The following RGS7 variants were observed in gnomAD, a reference collection of about 807,000 sequenced individuals.
The protein encoded by RGS7 is regulator of G protein signaling 7.
In RGS7, 27 loss-of-function variants were observed where a neutral mutation model predicts 81.1. The ratio of observed to expected loss-of-function variants is 0.33; its 90% confidence interval spans 0.25 to 0.46. RGS7 has a LOEUF of 0.46. Ranked by LOEUF, RGS7 falls within the 20% of genes least tolerant of loss-of-function variation. The probability of loss-of-function intolerance (pLI) is 1.00; values close to 1 mark genes in which losing one functional copy is unlikely to be tolerated. For missense variants in RGS7, 396 were observed against 607.4 expected (o/e 0.65, Z 3.66); for synonymous variants, 208 against 207.7 (o/e 1.00, Z -0.01).
chr1:240,900,962 G>C (rs941970829), intron 6 of RGS7, among the ~76,000 whole-genome samples: 46 of 149,076 alleles, frequency 3.1e-4, no homozygotes, highest in Admixed American at 1.3e-4. Flanking sequence ...CTTCCTGGCC[G>C]ATTTGTTTAC....
chr1:241,047,326 A>G (rs980062833), intron 3 of RGS7, among the ~76,000 whole-genome samples: 1 of 152,160 alleles, frequency 6.6e-6, no homozygotes, highest in Non-Finnish European at 1.5e-5. Flanking sequence ...AGCTGTGCAC[A>G]AATCTAAAAT....
rs955424905 is a variant in RGS7, at chr1:240,833,249, G to A, written c.610-6077C>T. Among the ~76,000 whole-genome samples the A allele has an allele frequency of 4.6e-5, 7 of 152,160 alleles. 1 individual carries two copies. Among genetic ancestry groups the A allele is most frequent in the African/African-American group, 1.7e-4 (7 of 41,418 alleles). ...AACAGGTGGGTACCACAGACAGCGTGGATCTGCTGGACAAAGGGGTGACTC... is the reference window on the plus strand; with the variant it reads ...AACAGGTGGGTACCACAGACAGCGTAGATCTGCTGGACAAAGGGGTGACTC... On this transcript the variant is annotated intron_variant, in intron 9 of 18. Coordinates refer to ENST00000440928, the MANE Select transcript of RGS7 (RefSeq NM_001364886.1).
At chr1:241,029,454 A>G (rs2148722111) in intron 3 of RGS7, among the ~76,000 whole-genome samples, 1 of 152,354 alleles carries the variant, frequency 6.6e-6, no homozygotes, top group East Asian at 1.9e-4. Flanking sequence ...CAAGTCAAAC[A>G]TTTTGGAAAT....
chr1:241,000,090 G>A (rs566631384), intron 3 of RGS7, among the ~76,000 whole-genome samples: 1 of 152,158 alleles, frequency 6.6e-6, no homozygotes. Flanking sequence ...GATGGCAGAA[G>A]TCTCGATGCT....
At chr1:241,252,195 C>G (rs891976322) in intron 2 of RGS7, among the ~76,000 whole-genome samples, 2 of 151,996 alleles carry the variant, frequency 1.3e-5, no homozygotes, top group South Asian at 2.1e-4. Flanking sequence ...AGGCGCCCAC[C>G]ACCACTCCTG....
At position 241,196,889 on chromosome 1, in the gene RGS7, C is replaced by G. The variant is rs2073113625; in HGVS notation, c.79-98127G>C. Among the ~76,000 whole-genome samples, 4 of 150,194 alleles carry G rather than the reference C, an allele frequency of 2.7e-5. No homozygotes were observed. The South Asian group carries it at 8.4e-4, about 31-fold the overall frequency. ...TCAGGGATGTATTATATTTCATAAG[C>G]TAGGGTAAGCACTAATACAATGGTA... On this transcript the variant is annotated intron_variant, in intron 2 of 18. Transcript: ENST00000440928.
chr1:240,816,393 T>C lies in RGS7; in HGVS notation c.707A>G (p.Asp236Gly). The C allele has an allele frequency of 5.0e-6, 8 of 1,606,092 alleles. No individual in the cohort carries two copies. The highest frequency in any genetic ancestry group is 1.7e-4 in the Middle Eastern group (1 of 6,040). ...TRKSVYGLQN[D>G]IRSHSPTHTP... Reference sequence around the variant, plus strand: ...GTGGGTAGGACTGTGACTTCTAATATCATTTTGTAAACCATAGACAGACTA... The same window carrying C: ...GTGGGTAGGACTGTGACTTCTAATACCATTTTGTAAACCATAGACAGACTA... The change falls in exon 11 of 19, where the codon GAT becomes GGT. Residue 236 changes from aspartate to glycine, a missense_variant. Coordinates refer to ENST00000440928, the MANE Select transcript of RGS7 (RefSeq NM_001364886.1).
intron 2 of RGS7, among the ~76,000 whole-genome samples, chr1:241,204,284 A>C (rs1161427270): frequency 6.6e-6 from 1 of 152,230 alleles, no homozygotes; most frequent in Non-Finnish European, 1.5e-5. Context: ...AGAGGAATAA[A>C]AAGTTGTAGA....
At chr1:240,978,707 G>A (rs552692642) in intron 4 of RGS7, among the ~76,000 whole-genome samples, 16 of 152,186 alleles carry the variant, frequency 1.1e-4, no homozygotes, top group South Asian at 2.1e-4. Flanking sequence ...AAATGAGAAC[G>A]AATAAGCAGG....
At chr1:240,799,608 G>T (rs942916116) in intron 18 of RGS7, among the ~76,000 whole-genome samples, 3 of 151,996 alleles carry the variant, frequency 2.0e-5, no homozygotes, top group Non-Finnish European at 4.4e-5. Context: ...CACATTGCAA[G>T]AAGAATTATC....
intron 2 of RGS7, among the ~76,000 whole-genome samples, chr1:241,157,767 A>G (rs377422081): frequency 1.8e-4 from 28 of 152,206 alleles, no homozygotes; most frequent in East Asian, 5.8e-4. Flanking sequence ...TGAAAATTAT[A>G]TAAAATCTAA....
At chr1:241,076,507 CAT>C (rs2062809437) in intron 3 of RGS7, among the ~76,000 whole-genome samples, 1 of 152,148 alleles carries the variant, frequency 6.6e-6, no homozygotes, top group African/African-American at 2.4e-5. Context: ...ACAACATTCT[CAT>C]ATAGTGTTCA....
At chr1:241,158,266 A>G (rs1385985178) in intron 2 of RGS7, among the ~76,000 whole-genome samples, 1 of 152,126 alleles carries the variant, frequency 6.6e-6, no homozygotes, top group Non-Finnish European at 1.5e-5. Flanking sequence ...TTGCAGAAAA[A>G]CTTTGCCAAC....
At chr1:241,192,435 C>A (rs1169025434) in intron 2 of RGS7, among the ~76,000 whole-genome samples, 1 of 152,100 alleles carries the variant, frequency 6.6e-6, no homozygotes, top group African/African-American at 2.4e-5. Flanking sequence ...TTCTTTTCTC[C>A]ACTTTTCAGA....
chr1:240,875,226 C>CT (rs1165458393), intron 6 of RGS7, among the ~76,000 whole-genome samples: 1 of 152,144 alleles, frequency 6.6e-6, no homozygotes, highest in Non-Finnish European at 1.5e-5. Context: ...CACCATTCTA[C>CT]TTTTTGCTTC....
chr1:241,082,779 C>T (rs2063208861), intron 3 of RGS7, among the ~76,000 whole-genome samples: 1 of 152,130 alleles, frequency 6.6e-6, no homozygotes, highest in Non-Finnish European at 1.5e-5. Flanking sequence ...CCCAATTACC[C>T]TGACTTGATC....
At chr1:241,128,192 A>G (rs945242875) in intron 2 of RGS7, among the ~76,000 whole-genome samples, 3 of 151,534 alleles carry the variant, frequency 2.0e-5, no homozygotes, top group Admixed American at 6.6e-5. Context: ...CAGGAGAATG[A>G]CGTGAACCGG....
At chr1:241,346,315 G>A (rs990521863) in intron 2 of RGS7, among the ~76,000 whole-genome samples, 9 of 151,954 alleles carry the variant, frequency 5.9e-5, no homozygotes, top group Admixed American at 1.3e-4. Flanking sequence ...AATAAGCTCC[G>A]CGATGGTTCA....
At chr1:240,982,422 C>CAA (rs10567618) in intron 4 of RGS7, among the ~76,000 whole-genome samples, 11 of 66,230 alleles carry the variant, frequency 1.7e-4, no homozygotes, top group African/African-American at 5.6e-4. Context: ...AACTCTGCCT[C>CAA]AAAAAAAAAA....
Sources: allele counts gnomAD v4.1 joint callset (sites outside exome capture counted in the v4.1 genomes callset), GRCh38; gene constraint gnomAD v4.1.1; transcripts MANE v1.5; gene names NCBI Gene and HGNC (gene_info 2026-07-23, HGNC 2026-07-21).